RNF17: variants seen among roughly 807,000 people sequenced by gnomAD.
The protein encoded by RNF17 is ring finger protein 17, also known as spermatogenesis associated 23.
In RNF17, 31 loss-of-function variants were observed where a neutral mutation model predicts 200.5. The ratio of observed to expected loss-of-function variants is 0.15; its 90% confidence interval spans 0.12 to 0.21. The LOEUF is 0.21. RNF17 is among the 10% of genes least tolerant of loss of function. The pLI is 1.00. For synonymous variants in RNF17, 606 were observed against 637.8 expected (o/e 0.95, Z 0.75); for missense variants, 1,628 against 1,905.1 (o/e 0.85, Z 2.71).
At chr13:24,748,990 A>T in the RNF17 span, among the ~76,000 whole-genome samples, 1 of 152,094 alleles carries the variant, frequency 6.6e-6, no homozygotes, top group Non-Finnish European at 1.5e-5. Flanking sequence ...CTGACCTCAA[A>T]TGATCCACCC....
Position 24,862,700 on chromosome 13 carries a change from T to A in RNF17, c.3895-13T>A. ...AAAGCATAAAAGAATCTGAGTTTATTAATCTCAAATAGGTTGGGAATGTCT... is the reference window on the plus strand; with the variant it reads ...AAAGCATAAAAGAATCTGAGTTTATAAATCTCAAATAGGTTGGGAATGTCT... On this transcript the variant is annotated splice_polypyrimidine_tract_variant and intron_variant, in intron 27 of 35. Coordinates refer to ENST00000255324, the MANE Select transcript of RNF17 (RefSeq NM_031277.3). 6.4e-7 allele frequency: 1 copy of A among 1,553,014 alleles called. No homozygotes were observed. Among genetic ancestry groups the A allele is most frequent in the Non-Finnish European group, 8.9e-7 (1 of 1,125,696 alleles).
At chr13:24,869,055 C>T (rs1893973432) in intron 31 of RNF17, among the ~76,000 whole-genome samples, 1 of 152,184 alleles carries the variant, frequency 6.6e-6, no homozygotes, top group African/African-American at 2.4e-5. Flanking sequence ...TTCCACTTAA[C>T]CACCTGGCTG....
At position 24,874,486 on chromosome 13, in the gene RNF17, T is replaced by G. The variant is rs971749383; in HGVS notation, c.4583+237T>G. On this transcript the variant is annotated intron_variant, in intron 33 of 35. Transcript: ENST00000255324. ...GTGCAGTGGCGCAATCTTGGCTCAC[T>G]GCAACCTCCGCCTCCCAGGTTCAAG... is the stretch of plus-strand genomic sequence containing the variant. Among the ~76,000 whole-genome samples, 9 of 151,674 alleles carry G rather than the reference T, an allele frequency of 5.9e-5. No homozygotes were observed. The East Asian group carries it at 1.8e-3, about 30-fold the overall frequency.
Position 24,870,752 on chromosome 13 carries a change from T to C in RNF17, c.4447+13T>C, listed in dbSNP as rs1894164949. 1.9e-6 allele frequency: 3 copies of C among 1,609,858 alleles called. No homozygotes were observed. Among genetic ancestry groups the C allele is most frequent in the Middle Eastern group, 1.7e-4 (1 of 6,028 alleles). On this transcript the variant is annotated intron_variant, in intron 32 of 35. Coordinates refer to ENST00000255324, the MANE Select transcript of RNF17 (RefSeq NM_031277.3). ...GATTTTAGAACAGGTATACTTACTA[T>C]ATTTGAATGAAACAGGATACTTAAT...
intron 16 of RNF17, among the ~76,000 whole-genome samples, chr13:24,828,540 A>T (rs1234979054): frequency 1.3e-5 from 2 of 149,484 alleles, no homozygotes; most frequent in African/African-American, 2.6e-5. Context: ...TCAGTTTTAG[A>T]TATTACCTGT....
chr13:24,782,034 A>G, intron 6 of RNF17, 90 bp downstream of exon 6: 2 of 839,350 alleles, frequency 2.4e-6, no homozygotes, highest in Middle Eastern at 2.4e-4. Flanking sequence ...GGTAATGGGT[A>G]ACTTTTAAAC....
At chr13:24,751,316 T>TATATATATATATATATATATATATATA in the RNF17 span, 1 of 98,974 alleles carries the variant, frequency 1.0e-5, no homozygotes, top group South Asian at 3.0e-4. Context: ...ATATATATAT[T>TATATATATATATATATATATATATATA]TTTTTTTACT....
At chr13:24,761,085 G>T (rs188828076), upstream of RNF17, among the ~76,000 whole-genome samples, 337 of 152,258 alleles carry the variant, frequency 2.2e-3, 4 homozygotes, top group Non-Finnish European at 7.8e-4. Flanking sequence ...GTATATTTTC[G>T]AGAAGGTAAC....
the RNF17 span, among the ~76,000 whole-genome samples, chr13:24,758,637 A>G: frequency 6.6e-6 from 1 of 152,168 alleles, no homozygotes; most frequent in African/African-American, 2.4e-5. Context: ...TTTTAGTACC[A>G]TTGCATATGG....
rs1255698055 is a variant in RNF17, at chr13:24,778,370, A to G, written c.393A>G (p.Thr131=). The G allele has an allele frequency of 1.9e-6, 3 of 1,613,666 alleles. No individual in the cohort carries two copies. In the African/African-American group the frequency reaches 4.0e-5, roughly 22 times the overall value. ...CTGGTTTAGAACGTTCAGCCTCCAC[A>G]GACAAGACTCTTTTGAACTCATCAG... is the stretch of plus-strand genomic sequence containing the variant. ...LTTGLERSAS[T]DKTLLNSSAV... The change falls in exon 4 of 36, where the codon ACA becomes ACG. Residue 131 remains threonine, a synonymous_variant. Coordinates refer to ENST00000255324, the MANE Select transcript of RNF17 (RefSeq NM_031277.3).
chr13:24,856,568 G>T (rs1892527838), intron 25 of RNF17, among the ~76,000 whole-genome samples: 1 of 152,078 alleles, frequency 6.6e-6, no homozygotes, highest in South Asian at 2.1e-4. Context: ...AAGAAGAAGA[G>T]ATCCAATTTT....
intron 9 of RNF17, among the ~76,000 whole-genome samples, chr13:24,791,731 T>G (rs1018183526): frequency 6.6e-6 from 1 of 152,072 alleles, no homozygotes; most frequent in Non-Finnish European, 1.5e-5. Flanking sequence ...CAGAAGCACA[T>G]AGGATGATGT....
intron 15 of RNF17, among the ~76,000 whole-genome samples, chr13:24,817,554 A>T (rs1274993474): frequency 2.0e-5 from 3 of 152,050 alleles, no homozygotes; most frequent in Non-Finnish European, 4.4e-5. Flanking sequence ...CCCCATCTGT[A>T]CTAAAAATAC....
At chr13:24,786,469 C>A (rs115876460) in intron 6 of RNF17, among the ~76,000 whole-genome samples, 1 of 152,020 alleles carries the variant, frequency 6.6e-6, no homozygotes, top group African/African-American at 2.4e-5. Context: ...TTTATGTTTG[C>A]CCATGTATTT....
At chr13:24,884,596 C>T (rs1953957339), downstream of RNF17, 14 of 855,046 alleles carry the variant, frequency 1.6e-5, no homozygotes, top group East Asian at 2.3e-4. Context: ...TCCTTTATTT[C>T]GTGAGGAGTA....
intron 18 of RNF17, among the ~76,000 whole-genome samples, chr13:24,832,396 C>T (rs1281322484): frequency 6.6e-6 from 1 of 152,094 alleles, no homozygotes; most frequent in Admixed American, 6.5e-5. Flanking sequence ...TGTGGGTTCT[C>T]AGCATAATTT....
downstream of RNF17, chr13:24,884,132 T>C (rs755863095): frequency 4.4e-6 from 7 of 1,602,690 alleles, no homozygotes; most frequent in Admixed American, 8.4e-5. Flanking sequence ...AAGGGAAGAA[T>C]TTAATGAGAG....
At chr13:24,778,977 C>G (rs1881978309) in intron 4 of RNF17, among the ~76,000 whole-genome samples, 1 of 152,126 alleles carries the variant, frequency 6.6e-6, no homozygotes, top group Non-Finnish European at 1.5e-5. Flanking sequence ...TCACTTGAGG[C>G]CAGGAATTCA....
At chr13:24,791,067 T>C (rs1883785377) in intron 9 of RNF17, among the ~76,000 whole-genome samples, 1 of 152,210 alleles carries the variant, frequency 6.6e-6, no homozygotes, top group Non-Finnish European at 1.5e-5. Context: ...AGTATAGTTC[T>C]AGGGAGTAGA....
Sources: gnomAD v4.1 joint callset for allele counts (sites outside exome capture counted in the v4.1 genomes callset) on GRCh38, gnomAD v4.1.1 for gene constraint, MANE v1.5 for transcripts, NCBI Gene and HGNC (gene_info 2026-07-23, HGNC 2026-07-21) for gene names.